The following DDC variants were observed in gnomAD, a reference collection of about 807,000 sequenced individuals.
DDC encodes aromatic-L-amino-acid decarboxylase.
A neutral mutation model predicts 60.0 loss-of-function variants in DDC; 43 were observed. The observed-to-expected ratio is 0.72, with a 90% CI of 0.56 to 0.92. The LOEUF is 0.92. DDC is among the 40% of genes least tolerant of loss of function. DDC has a pLI of 0.00. For synonymous variants in DDC, 232 were observed against 234.6 expected (o/e 0.99, Z 0.10); for missense variants, 573 against 620.2 (o/e 0.92, Z 0.81).
intron 9 of DDC, among the ~76,000 whole-genome samples, chr7:50,491,024 T>C (rs372418194): frequency 1.9e-4 from 29 of 152,330 alleles, no homozygotes; most frequent in African/African-American, 6.7e-4. Context: ...TTTCTACAAT[T>C]TGGGCTGAAT....
chr7:50,509,317 G>A (rs1209171881), intron 6 of DDC, among the ~76,000 whole-genome samples: 1 of 152,150 alleles, frequency 6.6e-6, no homozygotes, highest in Non-Finnish European at 1.5e-5. Flanking sequence ...TTCCAACAGA[G>A]GCATATTAAT....
intron 13 of DDC, among the ~76,000 whole-genome samples, chr7:50,463,811 A>G (rs2042337424): frequency 6.6e-6 from 1 of 152,342 alleles, no homozygotes; most frequent in African/African-American, 2.4e-5. Flanking sequence ...ACGGAAACAT[A>G]GAAGAGTCTC....
chr7:50,559,948 G>A (rs1226470187), intron 1 of DDC, among the ~76,000 whole-genome samples: 3 of 152,212 alleles, frequency 2.0e-5, no homozygotes, highest in African/African-American at 4.8e-5. Context: ...TCTTCACACT[G>A]GCTGTGTGTA....
intron 2 of DDC, among the ~76,000 whole-genome samples, chr7:50,541,958 C>A (rs2044647029): frequency 6.6e-6 from 1 of 152,020 alleles, no homozygotes; most frequent in Admixed American, 6.6e-5. Context: ...TCTGCCAGGG[C>A]TTGGGGAGTG....
chr7:50,509,818 TG>T (rs1474388004), intron 6 of DDC, among the ~76,000 whole-genome samples: 1 of 152,176 alleles, frequency 6.6e-6, no homozygotes, highest in Non-Finnish European at 1.5e-5. Context: ...ATTGGTACAA[TG>T]TTTTTGAAGT....
intron 6 of DDC, among the ~76,000 whole-genome samples, chr7:50,511,077 AC>A: frequency 6.6e-6 from 1 of 150,452 alleles, no homozygotes; most frequent in Non-Finnish European, 1.5e-5. Flanking sequence ...ACACACACAC[AC>A]ACACACAAAA....
intron 6 of DDC, among the ~76,000 whole-genome samples, chr7:50,504,822 T>C (rs1173211847): frequency 1.1e-4 from 17 of 152,162 alleles, no homozygotes; most frequent in Non-Finnish European, 2.5e-4. Context: ...AAGGCACTCA[T>C]GGAATGCTTC....
intron 2 of DDC, chr7:50,543,573 A>C: frequency 2.4e-6 from 1 of 414,676 alleles, no homozygotes; most frequent in Non-Finnish European, 4.5e-6. Flanking sequence ...AATGTATATG[A>C]GGACACGCTC....
intron 14 of DDC, among the ~76,000 whole-genome samples, chr7:50,460,184 T>TG (rs1225968122): frequency 7.7e-5 from 9 of 116,896 alleles, no homozygotes; most frequent in Admixed American, 2.6e-4. Flanking sequence ...GGGAAGGAGG[T>TG]GGGGGGGTCA....
At chr7:50,491,003 G>A (rs1191852208) in intron 9 of DDC, among the ~76,000 whole-genome samples, 1 of 152,108 alleles carries the variant, frequency 6.6e-6, no homozygotes. Context: ...ATGTTTGTCT[G>A]TTTTTATTAT....
intron 4 of DDC, among the ~76,000 whole-genome samples, chr7:50,532,557 G>T (rs2044250637): frequency 6.6e-6 from 1 of 152,062 alleles, no homozygotes; most frequent in South Asian, 2.1e-4. Flanking sequence ...CTAACTTTCT[G>T]GGACTCAATA....
At chr7:50,495,591 G>T (rs1286062473) in intron 8 of DDC, among the ~76,000 whole-genome samples, 174 bp from the exon 9 acceptor site, 2 of 152,142 alleles carry the variant, frequency 1.3e-5, no homozygotes, top group African/African-American at 4.8e-5. Context: ...GAGTCTTCTG[G>T]AGTGCTGGAA....
intron 9 of DDC, among the ~76,000 whole-genome samples, chr7:50,487,911 T>C (rs902884887): frequency 3.9e-5 from 6 of 152,274 alleles, no homozygotes; most frequent in Non-Finnish European, 8.8e-5. Flanking sequence ...TATAAAGCCA[T>C]AAATGCAGCC....
chr7:50,504,083 C>T (rs755971534), intron 6 of DDC, 24 bp from the exon 7 acceptor site: 2 of 1,564,244 alleles, frequency 1.3e-6, no homozygotes, highest in African/African-American at 1.4e-5. Flanking sequence ...AGCAGACAGC[C>T]TTTTATTCCC....
intron 6 of DDC, among the ~76,000 whole-genome samples, chr7:50,520,741 C>G (rs1291044074): frequency 3.9e-5 from 6 of 151,970 alleles, no homozygotes; most frequent in Admixed American, 3.9e-4. Context: ...TGGTGAAATC[C>G]CATCTCTACT....
intron 2 of DDC, chr7:50,540,260 T>G (rs2044581184): frequency 2.0e-6 from 1 of 508,312 alleles, no homozygotes; most frequent in South Asian, 1.9e-5. Context: ...TTTTTGACAC[T>G]GGAATGTATT....
chr7:50,469,600 G>A (rs10499693), intron 12 of DDC, among the ~76,000 whole-genome samples: 8,042 of 152,208 alleles, frequency 0.053, 492 homozygotes, highest in African/African-American at 0.15. Context: ...CAATCTTAAC[G>A]AAAGTGACTT....
chr7:50,527,903 T>C (rs532153635), intron 6 of DDC: 2 of 447,708 alleles, frequency 4.5e-6, no homozygotes, highest in African/African-American at 4.0e-5. Context: ...TTCTCAAAGA[T>C]TAATTTTTTT....
At chr7:50,559,603 T>C (rs1022147215) in intron 1 of DDC, among the ~76,000 whole-genome samples, 4 of 152,194 alleles carry the variant, frequency 2.6e-5, no homozygotes, top group Non-Finnish European at 5.9e-5. Context: ...AATTTTTGTA[T>C]TTTTAGTAGA....
Sources: allele counts gnomAD v4.1 joint callset (sites outside exome capture counted in the v4.1 genomes callset), GRCh38; gene constraint gnomAD v4.1.1; transcripts MANE v1.5; gene names NCBI Gene and HGNC (gene_info 2026-07-23, HGNC 2026-07-21).